The following XKR7 variants were observed in gnomAD, a reference collection of about 807,000 sequenced individuals.
The protein encoded by XKR7 is XK related 7, also known as XK-related protein 7.
XKR7 carries 11 observed loss-of-function variants against 42.2 expected under a neutral mutation model. The observed-to-expected ratio is 0.26, with a 90% CI of 0.16 to 0.43. The LOEUF (loss-of-function observed/expected upper bound fraction) is 0.43, where lower values mean the gene tolerates loss of function less well. Among genes scored for constraint, XKR7 ranks in the 20% least tolerant of loss-of-function variants. The pLI is 1.00. For missense variants in XKR7, 710 were observed against 802.2 expected (o/e 0.89, Z 1.39); for synonymous variants, 346 against 366.4 (o/e 0.94, Z 0.64).
At chr20:31,978,110 A>ATT (rs111877818) in intron 1 of XKR7, among the ~76,000 whole-genome samples, 23 of 145,702 alleles carry the variant, frequency 1.6e-4, no homozygotes, top group African/African-American at 5.4e-4. Flanking sequence ...TTTTTTTTTT[A>ATT]TTTTTTTTGC....
intron 1 of XKR7, among the ~76,000 whole-genome samples, chr20:31,983,818 G>A (rs1342050365): frequency 1.3e-5 from 2 of 151,882 alleles, no homozygotes; most frequent in East Asian, 1.9e-4. Context: ...ATGGTGGCAG[G>A]CACTTGTAAT....
intron 1 of XKR7, among the ~76,000 whole-genome samples, chr20:31,977,191 A>G (rs570416633): frequency 1.3e-5 from 2 of 152,336 alleles, no homozygotes; most frequent in South Asian, 4.1e-4. Flanking sequence ...TGGCTGACTT[A>G]GGAGATGGAG....
At position 31,989,495 on chromosome 20, in the gene XKR7, A is replaced by G. The variant is rs150123488; in HGVS notation, c.585-5573A>G. On this transcript the variant is annotated intron_variant, in intron 1 of 2. Transcript: ENST00000562532. ...ATATCCTGCTGGTTGCCATGTGGAG[A>G]ATGGACTGTAGGGAGGCAGGAGTGG... is the stretch of plus-strand genomic sequence containing the variant. Among the ~76,000 whole-genome samples, 8 of 148,070 alleles carry G rather than the reference A, an allele frequency of 5.4e-5. No individual in the cohort carries two copies. The East Asian group carries it at 1.5e-3, about 29-fold the overall frequency.
At chr20:31,980,167 T>C (rs1485103088) in intron 1 of XKR7, among the ~76,000 whole-genome samples, 1 of 149,672 alleles carries the variant, frequency 6.7e-6, no homozygotes, top group African/African-American at 2.5e-5. Context: ...GCTGTGACTC[T>C]GTAGGGGGCT....
chr20:31,995,020 C>T lies in XKR7; in HGVS notation c.585-48C>T. 6.5e-7 allele frequency: 1 copy of T among 1,537,554 alleles called. No homozygotes were observed. Among genetic ancestry groups the T allele is most frequent in the Non-Finnish European group, 8.7e-7 (1 of 1,144,982 alleles). On this transcript the variant is annotated intron_variant, in intron 1 of 2. Transcript: ENST00000562532. The surrounding 1 kb of genome is among the most constrained non-coding windows in gnomAD (Gnocchi z 4.1). ...GCGGCTCGGGGCTGGTGCGACAGAG[C>T]GAGAGGAACCAGCGCGCGGGAGCCT...
In XKR7 at chr20:31,999,200, C is replaced by T. The variant is rs2064612430; in HGVS notation, c.*1743C>T. 1 of 152,182 alleles carries T rather than the reference C, an allele frequency of 6.6e-6. No individual in the cohort carries two copies. The allele number at this position is 152,182 out of a possible 1,614,324, so 9.4% of individuals were successfully genotyped here. ...TGCTTAGCCCTCCCTGGTTCAGCCT[C>T]TCTTGGGTTACAGATGGGAAACTGA... On this transcript the variant is annotated 3_prime_UTR_variant, in exon 3 of 3. Transcript: ENST00000562532.
Position 31,968,495 on chromosome 20 carries a change from T to C in XKR7, c.320T>C (p.Leu107Pro). 6.2e-7 allele frequency: 1 copy of C among 1,613,572 alleles called. No homozygotes were observed. Among genetic ancestry groups the C allele is most frequent in the Non-Finnish European group, 8.5e-7 (1 of 1,179,736 alleles). The change falls in exon 1 of 3, where the codon CTG becomes CCG. Residue 107 changes from leucine (L) to proline (P), a missense_variant. Physicochemically the swap from Leu to Pro is moderately conservative, Grantham distance 98. This residue lies in a region of XKR7 where 708 missense variants were observed against 786.2 expected (regional missense o/e 0.90). Transcript: ENST00000562532. The surrounding 1 kb of genome is among the most constrained non-coding windows in gnomAD (Gnocchi z 4.5). The part of the protein sequence containing the change: ...VLLPSLVVQL[L>P]SFRWFVYDYS... The stretch of plus-strand genomic sequence containing the variant: ...CTGCCCTCGCTGGTCGTGCAGTTAC[T>C]GAGCTTCCGCTGGTTCGTCTACGAC...
intron 1 of XKR7, among the ~76,000 whole-genome samples, chr20:31,991,324 C>T (rs1214816817): frequency 6.6e-6 from 1 of 152,142 alleles, no homozygotes; most frequent in Non-Finnish European, 1.5e-5. Context: ...GGGAATGTGG[C>T]GGCAGTGGGG....
chr20:31,979,477 T>C (rs2064501291), intron 1 of XKR7, among the ~76,000 whole-genome samples: 1 of 152,218 alleles, frequency 6.6e-6, no homozygotes, highest in African/African-American at 2.4e-5. Context: ...AATATCCTAA[T>C]ATCCACCTAT....
At chr20:31,988,542 A>G (rs2064553535) in intron 1 of XKR7, among the ~76,000 whole-genome samples, 1 of 152,046 alleles carries the variant, frequency 6.6e-6, no homozygotes, top group Non-Finnish European at 1.5e-5. Flanking sequence ...CTGCTCTTCC[A>G]GTTTCTTCCC....
intron 1 of XKR7, among the ~76,000 whole-genome samples, chr20:31,983,805 G>A (rs2064524765): frequency 6.6e-6 from 1 of 152,172 alleles, no homozygotes; most frequent in South Asian, 2.1e-4. Context: ...AAATTAGCCA[G>A]GCATGGTGGC....
intron 1 of XKR7, among the ~76,000 whole-genome samples, chr20:31,991,747 C>A (rs1417759148): frequency 6.6e-6 from 1 of 152,212 alleles, no homozygotes; most frequent in East Asian, 1.9e-4. Context: ...GGCCTCTGAG[C>A]CTTTGCTTCA....
chr20:31,982,633 C>T (rs2064518818), intron 1 of XKR7, among the ~76,000 whole-genome samples: 2 of 152,002 alleles, frequency 1.3e-5, no homozygotes, highest in African/African-American at 4.8e-5. Context: ...CTCACAGGAC[C>T]ACAGTGAAGA....
chr20:31,971,739 A>G (rs1297377188), intron 1 of XKR7, among the ~76,000 whole-genome samples: 2 of 152,174 alleles, frequency 1.3e-5, no homozygotes, highest in Non-Finnish European at 2.9e-5. Context: ...TCAACCTCTT[A>G]GACTTGTAAA....
At chr20:31,996,343 C>T (rs1413766655) in intron 2 of XKR7, among the ~76,000 whole-genome samples, 162 bp from the exon 3 acceptor site, 6 of 152,034 alleles carry the variant, frequency 3.9e-5, no homozygotes, top group African/African-American at 1.5e-4. Context: ...TCTTGAAGCT[C>T]CCCACCTCCC....
At chr20:31,984,282 G>A (rs1486623676) in intron 1 of XKR7, among the ~76,000 whole-genome samples, 1 of 151,890 alleles carries the variant, frequency 6.6e-6, no homozygotes, top group Non-Finnish European at 1.5e-5. Flanking sequence ...ACAAGTAGTG[G>A]GGAGTGGCCT....
chr20:31,977,446 A>C (rs1011919279), intron 1 of XKR7, among the ~76,000 whole-genome samples: 6 of 152,158 alleles, frequency 3.9e-5, no homozygotes, highest in African/African-American at 1.2e-4. Context: ...ACCCTGGGGA[A>C]GTTGCTCCAC....
chr20:31,982,319 G>A (rs1301159889), intron 1 of XKR7, among the ~76,000 whole-genome samples: 3 of 152,006 alleles, frequency 2.0e-5, no homozygotes, highest in Non-Finnish European at 2.9e-5. Flanking sequence ...TCAGGAGTTC[G>A]AGACCAGCCT....
At chr20:31,979,919 A>G (rs924896129) in intron 1 of XKR7, among the ~76,000 whole-genome samples, 3 of 152,018 alleles carry the variant, frequency 2.0e-5, no homozygotes, top group Admixed American at 6.6e-5. Flanking sequence ...TCCAGAGAGG[A>G]GAGGAGAGCT....
Sources: gnomAD v4.1 joint callset for allele counts (sites outside exome capture counted in the v4.1 genomes callset) on GRCh38, gnomAD v4.1.1 for gene constraint, gnomAD v4.1.1 regional missense constraint, Gnocchi (gnomAD v3.1) non-coding constraint, MANE v1.5 for transcripts, NCBI Gene and HGNC (gene_info 2026-07-23, HGNC 2026-07-21) for gene names.